Variants in TXNRD1 observed in about 807,000 individuals in gnomAD.
TXNRD1 encodes the protein thioredoxin reductase 1, cytoplasmic.
A neutral mutation model predicts 80.3 loss-of-function variants in TXNRD1; 57 were observed. The observed-to-expected ratio is 0.71, with a 90% CI of 0.57 to 0.89. The LOEUF is 0.89. TXNRD1 is among the 40% of genes least tolerant of loss of function. The pLI is 0.00. For synonymous variants in TXNRD1, 291 were observed against 285.2 expected, an observed-to-expected ratio of 1.02 and a Z score of -0.20; for missense variants, 730 against 803.0, an observed-to-expected ratio of 0.91 and a Z score of 1.10.
At chr12:104,338,523 C>T (rs1390960698) in intron 15 of TXNRD1, among the ~76,000 whole-genome samples, 7 of 151,204 alleles carry the variant, frequency 4.6e-5, no homozygotes, top group Non-Finnish European at 7.4e-5. Context: ...GGCGAAACCC[C>T]GTCTCTACTA....
chr12:104,265,124 C>T (rs1228005297), intron 3 of TXNRD1, among the ~76,000 whole-genome samples: 1 of 152,018 alleles, frequency 6.6e-6, no homozygotes, highest in South Asian at 2.1e-4. Flanking sequence ...TGGTGGCATG[C>T]GCCTGTAGTC....
intron 4 of TXNRD1, among the ~76,000 whole-genome samples, chr12:104,300,311 G>A (rs1448315802): frequency 1.3e-5 from 2 of 152,186 alleles, no homozygotes; most frequent in Admixed American, 1.3e-4. Context: ...ACTCTTGAGC[G>A]AAGAAAGAGG....
intron 4 of TXNRD1, among the ~76,000 whole-genome samples, chr12:104,305,775 A>G (rs1445066704): frequency 1.3e-5 from 2 of 152,222 alleles, no homozygotes; most frequent in Non-Finnish European, 2.9e-5. Flanking sequence ...GTTTTTATCT[A>G]CTGAATTTCT....
chr12:104,335,282 A>G (rs910574670), intron 15 of TXNRD1, among the ~76,000 whole-genome samples: 1 of 149,074 alleles, frequency 6.7e-6, no homozygotes, highest in Non-Finnish European at 1.5e-5. Flanking sequence ...GTTCACTGCA[A>G]CCTTCGCCTC....
chr12:104,346,178 AAT>A (rs147185029), intron 16 of TXNRD1: 5,399 of 327,420 alleles, frequency 0.016, no homozygotes, highest in South Asian at 0.027. Context: ...GTTTCCAGCT[AAT>A]ATATATATAT....
At chr12:104,233,918 A>T (rs1425630813) in intron 1 of TXNRD1, among the ~76,000 whole-genome samples, 2 of 152,218 alleles carry the variant, frequency 1.3e-5, no homozygotes, top group African/African-American at 2.4e-5. Flanking sequence ...AGCAAAAGTC[A>T]AAAGGGTTGC....
chr12:104,259,223 TA>T (rs770569423), intron 3 of TXNRD1, among the ~76,000 whole-genome samples: 3 of 151,076 alleles, frequency 2.0e-5, no homozygotes, highest in Non-Finnish European at 4.4e-5. Flanking sequence ...TACTAAATAA[TA>T]AAAAAAATTA....
At chr12:104,292,336 C>T (rs1306241326) in intron 4 of TXNRD1, among the ~76,000 whole-genome samples, 5 of 152,244 alleles carry the variant, frequency 3.3e-5, no homozygotes, top group African/African-American at 9.6e-5. Flanking sequence ...CCAGGCTTTA[C>T]CCGAGTTCTT....
chr12:104,340,647 T>C (rs906929431), intron 16 of TXNRD1, among the ~76,000 whole-genome samples: 6 of 152,230 alleles, frequency 3.9e-5, no homozygotes, highest in African/African-American at 1.2e-4. Flanking sequence ...GCCTCATCCC[T>C]TGTGTGTCTG....
chr12:104,250,726 A>C (rs527980927), intron 1 of TXNRD1, among the ~76,000 whole-genome samples: 8 of 152,358 alleles, frequency 5.3e-5, no homozygotes, highest in Non-Finnish European at 7.3e-5. Context: ...AAGAAGGATG[A>C]ATGGCTTACT....
At position 104,265,747 on chromosome 12, in the gene TXNRD1, G is replaced by A. The variant is rs953665959; in HGVS notation, c.304+7668G>A. ...CCGGCCGGCTGTCAAGCAGTTCCAC[G>A]ACTCCAAGATCAAGTTCCCGCTGCC... On this transcript the variant is annotated intron_variant, in intron 3 of 16. Coordinates refer to ENST00000525566, the MANE Select transcript of TXNRD1 (RefSeq NM_001093771.3). 3.8e-6 allele frequency: 6 copies of A among 1,596,962 alleles called. No homozygotes were observed. In the African/African-American group the frequency reaches 6.7e-5, roughly 18 times the overall value.
chr12:104,258,049 C>A lies in TXNRD1; in HGVS notation c.274C>A (p.Pro92Thr). 1.3e-6 allele frequency: 2 copies of A among 1,553,004 alleles called. No individual in the cohort carries two copies. The highest frequency in any genetic ancestry group is 1.7e-6 in the Non-Finnish European group (2 of 1,147,614). Residue 92 changes from proline (P) to threonine (T), a missense_variant, in exon 3 of 17, where the codon CCT becomes ACT. Transcript: ENST00000525566. ...GAAGTTATTTAAATCTCTGTGTGTT[C>A]CTTATTTTGTGCTTGAACTTGATCA... is the stretch of plus-strand genomic sequence containing the variant. ...VKKLFKSLCV[P>T]YFVLELDQTE...
In TXNRD1 at chr12:104,344,371, A is replaced by T. The variant is rs114309477; in HGVS notation, c.1882-3982A>T. Among the ~76,000 whole-genome samples the T allele has an allele frequency of 3.4e-3, 507 of 149,468 alleles. 4 individuals are homozygous for T. The highest frequency in any genetic ancestry group is 0.012 in the African/African-American group (492 of 40,704). ...AGCTCCAGTGATTTTTTTTTTTTTT[A>T]AACCCTGGTTGTGAACTACTTGCGT... On this transcript the variant is annotated intron_variant, in intron 16 of 16. Transcript: ENST00000525566.
rs2035957159 is a variant in TXNRD1, at chr12:104,331,775, C to T, written c.1650+134C>T. On this transcript the variant is annotated intron_variant, in intron 14 of 16. Coordinates refer to ENST00000525566, the MANE Select transcript of TXNRD1 (RefSeq NM_001093771.3). ...GTTATCCAGATTCATATATTACTAA[C>T]ATTGTGCCAATTTATTTTATACACT... 3.4e-6 allele frequency: 2 copies of T among 588,934 alleles called. 1 individual carries two copies. Among genetic ancestry groups the T allele is most frequent in the South Asian group, 4.6e-5 (2 of 43,616 alleles). The allele number at this position is 588,934 out of a possible 1,614,324, so 36.5% of individuals were successfully genotyped here. A position where few individuals can be genotyped will look rare whatever the true frequency, so the allele number is the denominator to read the frequency against.
At chr12:104,258,166 G>C in intron 3 of TXNRD1, 87 bp downstream of exon 3, 1 of 1,113,858 alleles carries the variant, frequency 9.0e-7, no homozygotes, top group Non-Finnish European at 1.3e-6. Flanking sequence ...TGTCTTCCTT[G>C]AGGTTTTTAT....
chr12:104,263,222 G>A (rs948842953), intron 3 of TXNRD1, among the ~76,000 whole-genome samples: 1 of 152,128 alleles, frequency 6.6e-6, no homozygotes, highest in African/African-American at 2.4e-5. Flanking sequence ...TCAGGTAGGT[G>A]GTGATATCAC....
chr12:104,250,505 G>T (rs559135392), intron 1 of TXNRD1, among the ~76,000 whole-genome samples: 1 of 152,036 alleles, frequency 6.6e-6, no homozygotes, highest in African/African-American at 2.4e-5. Flanking sequence ...TTGAATTTTA[G>T]CTCCATTACT....
At chr12:104,303,638 G>C in intron 4 of TXNRD1, 1 of 399,770 alleles carries the variant, frequency 2.5e-6, no homozygotes, top group African/African-American at 2.1e-5. Context: ...GCTGGTCTAT[G>C]AGCGAGCGCC....
Position 104,223,380 on chromosome 12 carries a change from G to A in TXNRD1, c.91+7487G>A, listed in dbSNP as rs544873263. On this transcript the variant is annotated intron_variant, in intron 1 of 16. Coordinates refer to ENST00000525566, the MANE Select transcript of TXNRD1 (RefSeq NM_001093771.3). ...CACAAGGCTCTTGGTCATCAAATTC[G>A]TTTTAGGTTTAGAGAAGTAATCTTA... 3.9e-5 allele frequency among the ~76,000 whole-genome samples: 6 copies of A among 152,272 alleles called. No homozygotes were observed. The South Asian group carries it at 1.0e-3, about 26-fold the overall frequency.
Sources: allele counts gnomAD v4.1 joint callset (sites outside exome capture counted in the v4.1 genomes callset), GRCh38; gene constraint gnomAD v4.1.1; transcripts MANE v1.5; gene names NCBI Gene and HGNC (gene_info 2026-07-23, HGNC 2026-07-21).